Variants in ZUP1 observed in about 807,000 individuals in gnomAD.
ZUP1 encodes zinc finger-containing ubiquitin peptidase 1.
A neutral mutation model predicts 68.1 loss-of-function variants in ZUP1; 55 were observed. The observed-to-expected ratio is 0.81, with a 90% CI of 0.65 to 1.01. The LOEUF (loss-of-function observed/expected upper bound fraction) is 1.01. ZUP1 is among the 50% of genes least tolerant of loss of function. The pLI is 0.00. For synonymous variants in ZUP1, 223 were observed against 221.5 expected (o/e 1.01, Z -0.06); for missense variants, 684 against 674.9 (o/e 1.01, Z -0.15).
intron 9 of ZUP1, among the ~76,000 whole-genome samples, chr6:116,637,821 G>T (rs914696991): frequency 3.3e-5 from 5 of 152,242 alleles, no homozygotes; most frequent in Admixed American, 1.3e-4. Flanking sequence ...CCAGCACTTT[G>T]GTAGGCCAAG....
chr6:116,664,878 A>G (rs1170301691), intron 2 of ZUP1, among the ~76,000 whole-genome samples: 2 of 134,098 alleles, frequency 1.5e-5, no homozygotes, highest in Non-Finnish European at 3.2e-5. Flanking sequence ...ACACAAGTAC[A>G]GACACACACA....
rs1269679152 is a variant in ZUP1 at position 116,666,820 on chromosome 6, C to G, written c.373G>C (p.Glu125Gln). Residue 125 changes from glutamate (E) to glutamine (Q), a missense_variant, in exon 2 of 10, where the codon GAA (glutamate) becomes CAA (glutamine). Transcript: ENST00000368576. ...CTACTTTTCAGGAATTTTCTAGATT[C>G]AGTTAAGTTCTCTGAATAGAAGCCT... ...HEGFYSENLT[E>Q]SRKFLKSREK... The G allele has an allele frequency of 8.1e-6, 13 of 1,612,686 alleles. 1 individual carries two copies. The South Asian group carries it at 1.4e-4, about 18-fold the overall frequency.
At chr6:116,656,971 C>G in intron 4 of ZUP1, 119 bp from the exon 5 acceptor site, 2 of 622,120 alleles carry the variant, frequency 3.2e-6, no homozygotes, top group Non-Finnish European at 5.0e-6. Flanking sequence ...AGACTTTATA[C>G]AAGTTAACTT....
chr6:116,656,750 T>A lies in ZUP1; in HGVS notation c.895A>T (p.Arg299Trp), dbSNP rs753448413. 6.2e-7 allele frequency: 1 copy of A among 1,612,720 alleles called. No individual in the cohort carries two copies. The highest frequency in any genetic ancestry group is 1.1e-5 in the South Asian group (1 of 90,778). Residue 299 changes from arginine (R) to tryptophan (W), a missense_variant, in exon 5 of 10, where the codon AGG (arginine) becomes TGG (tryptophan). Coordinates refer to ENST00000368576, the MANE Select transcript of ZUP1 (RefSeq NM_145062.3). ...GATTCCATCATATCAGCTTTTCTCC[T>A]ATGAAATTCAGATGGAGGCATTCTT... is the stretch of plus-strand genomic sequence containing the variant. ...RGRMPPSEFH[R>W]RKADMMESLA...
At chr6:116,663,577 A>G (rs1275156007) in intron 2 of ZUP1, among the ~76,000 whole-genome samples, 1 of 152,104 alleles carries the variant, frequency 6.6e-6, no homozygotes, top group Admixed American at 6.6e-5. Context: ...CAGTCCATAA[A>G]TTTTCATTAT....
chr6:116,649,340 T>A (rs973597454), intron 7 of ZUP1, among the ~76,000 whole-genome samples: 5 of 152,116 alleles, frequency 3.3e-5, no homozygotes, highest in African/African-American at 1.2e-4. Context: ...TATCTCTATT[T>A]CCTCTTAAAA....
chr6:116,652,135 A>G lies in ZUP1; in HGVS notation c.1019T>C (p.Val340Ala), dbSNP rs1488697620. 3 of 1,613,900 alleles carry G rather than the reference A, an allele frequency of 1.9e-6. No homozygotes were observed. Among genetic ancestry groups the G allele is most frequent in the Admixed American group, 1.7e-5 (1 of 59,992 alleles). ...GTGATCCACCACTGAAGAAAGCCAC[A>G]CCCGTCTCACATCTGTGGCAGCATT... ...YQNAATDVRR[V>A]WLSSVVDHFH... The change falls in exon 6 of 10, where the codon GTG becomes GCG. Residue 340 changes from valine (V) to alanine (A), a missense_variant. Val to Ala is a moderately conservative substitution (Grantham distance 64). Coordinates refer to ENST00000368576, the MANE Select transcript of ZUP1 (RefSeq NM_145062.3).
Position 116,667,113 on chromosome 6 carries a change from C to G in ZUP1, c.80G>C (p.Ser27Thr). The G allele has an allele frequency of 6.2e-7, 1 of 1,613,500 alleles. No homozygotes were observed. The highest frequency in any genetic ancestry group is 8.5e-7 in the Non-Finnish European group (1 of 1,179,718). The change falls in exon 2 of 10, where the codon AGT becomes ACT. Residue 27 changes from serine (S) to threonine (T), a missense_variant. Transcript: ENST00000368576. ...MKAHLIVHME[S>T]EIICPFCKLS... Reference sequence around the variant, plus strand: ...CTTGCAAAATGGACATATAATTTCACTTTCCATGTGAACAATTAGGTGAGC... The same window carrying G: ...CTTGCAAAATGGACATATAATTTCAGTTTCCATGTGAACAATTAGGTGAGC...
chr6:116,648,809 GA>G (rs558282109), intron 7 of ZUP1, among the ~76,000 whole-genome samples: 35 of 144,274 alleles, frequency 2.4e-4, no homozygotes, highest in African/African-American at 4.6e-4. Context: ...TAAAAATGCA[GA>G]AAAAAAAAAA....
At position 116,647,527 on chromosome 6, in the gene ZUP1, G is replaced by A. The variant is rs267600775; in HGVS notation, c.1400C>T (p.Ser467Phe). 6.2e-7 allele frequency: 1 copy of A among 1,602,474 alleles called. No individual in the cohort carries two copies. Among genetic ancestry groups the A allele is most frequent in the Admixed American group, 1.7e-5 (1 of 59,812 alleles). Residue 467 changes from serine (S) to phenylalanine (F), a missense_variant, in exon 8 of 10, where the codon TCT becomes TTT. Transcript: ENST00000368576. Reference sequence around the variant, plus strand: ...CTTTGGACTCCCTTCTCCCTCTGAAGAATAATAGTTCAATATCCATTCAAA... The same window carrying A: ...CTTTGGACTCCCTTCTCCCTCTGAAAAATAATAGTTCAATATCCATTCAAA... The part of the protein sequence containing the change: ...RLFEWILNYY[S>F]SEGEGSPKVV...
chr6:116,666,827 G>C lies in ZUP1; in HGVS notation c.366C>G (p.Asn122Lys). The C allele has an allele frequency of 6.2e-7, 1 of 1,612,802 alleles. No homozygotes were observed. Among genetic ancestry groups the C allele is most frequent in the Non-Finnish European group, 8.5e-7 (1 of 1,179,660 alleles). ...TLKHEGFYSE[N>K]LTESRKFLKS... ...TCAGGAATTTTCTAGATTCAGTTAA[G>C]TTCTCTGAATAGAAGCCTTCATGTT... The change falls in exon 2 of 10, where the codon AAC (asparagine) becomes AAG (lysine). Residue 122 changes from asparagine to lysine, a missense_variant. Physicochemically the swap from Asn to Lys is moderately conservative, Grantham distance 94 (BLOSUM62 0). Transcript: ENST00000368576.
At chr6:116,652,800 G>A (rs1776554641) in intron 5 of ZUP1, among the ~76,000 whole-genome samples, 1 of 151,986 alleles carries the variant, frequency 6.6e-6, no homozygotes, top group African/African-American at 2.4e-5. Context: ...AGAACAATAG[G>A]TTTAGGAATC....
rs775884747 is a variant in ZUP1 at position 116,656,878 on chromosome 6, T to C, written c.793-26A>G. On this transcript the variant is annotated intron_variant, in intron 4 of 9. Transcript: ENST00000368576. Reference sequence around the variant, plus strand: ...CTATTGAACATAAAAATAAATGACTTAATTTTTACATCCCTGTAACTCTAT... The same window carrying C: ...CTATTGAACATAAAAATAAATGACTCAATTTTTACATCCCTGTAACTCTAT... 6 of 1,473,812 alleles carry C rather than the reference T, an allele frequency of 4.1e-6. No homozygotes were observed. The East Asian group carries it at 1.4e-4, about 34-fold the overall frequency. The allele number at this position is 1,473,812 out of a possible 1,614,324, so 91.3% of individuals were successfully genotyped here. A position where few individuals can be genotyped will look rare whatever the true frequency, so the allele number is the denominator to read the frequency against.
chr6:116,660,580 C>A (rs911146696), intron 3 of ZUP1, among the ~76,000 whole-genome samples, 156 bp downstream of exon 3: 20 of 152,172 alleles, frequency 1.3e-4, no homozygotes, highest in African/African-American at 4.8e-4. Flanking sequence ...ATACTTCTAG[C>A]TGCTAAAGAA....
intron 9 of ZUP1, among the ~76,000 whole-genome samples, chr6:116,640,552 G>C (rs1583359667): frequency 6.6e-6 from 1 of 151,948 alleles, no homozygotes; most frequent in African/African-American, 2.4e-5. Flanking sequence ...TTAAAGAAAA[G>C]AATTTTCAAC....
At chr6:116,651,922 G>C in intron 6 of ZUP1, 82 bp downstream of exon 6, 1 of 1,463,244 alleles carries the variant, frequency 6.8e-7, no homozygotes, top group Non-Finnish European at 9.3e-7. Flanking sequence ...AACTGTTAAA[G>C]CTATTAATTG....
Position 116,651,600 on chromosome 6 carries a change from A to G in ZUP1, c.1288T>C (p.Tyr430His), listed in dbSNP as rs1399479102. The G allele has an allele frequency of 6.2e-7, 1 of 1,613,636 alleles. No homozygotes were observed. The highest frequency in any genetic ancestry group is 1.3e-5 in the African/African-American group (1 of 74,930). ...TKAWIGACEVYILLTSLRVKC... is the reference protein window; with the variant it reads ...TKAWIGACEVHILLTSLRVKC... ...ACCCTTAGGGAGGTCAGGAGTATAT[A>G]TACTTCACATGCTCCAATCCAGGCC... is the stretch of plus-strand genomic sequence containing the variant. The change falls in exon 7 of 10, where the codon TAT (tyrosine) becomes CAT (histidine). Residue 430 changes from tyrosine (Y) to histidine (H), a missense_variant. Transcript: ENST00000368576.
At chr6:116,647,059 G>A (rs531763154) in intron 8 of ZUP1, among the ~76,000 whole-genome samples, 1 of 152,296 alleles carries the variant, frequency 6.6e-6, no homozygotes, top group African/African-American at 2.4e-5. Flanking sequence ...ATGAAGTATT[G>A]TAGAAATATC....
intron 2 of ZUP1, among the ~76,000 whole-genome samples, 191 bp from the exon 3 acceptor site, chr6:116,661,037 C>T (rs1480910940): frequency 1.3e-5 from 2 of 151,684 alleles, no homozygotes; most frequent in African/African-American, 4.8e-5. Flanking sequence ...CGCCACCACG[C>T]CCAGCTAATT....
Sources: allele counts gnomAD v4.1 joint callset (sites outside exome capture counted in the v4.1 genomes callset), GRCh38; gene constraint gnomAD v4.1.1; transcripts MANE v1.5; gene names NCBI Gene and HGNC (gene_info 2026-07-23, HGNC 2026-07-21).